The following CTNNA2 variants were observed in gnomAD, a reference collection of about 807,000 sequenced individuals.
The protein encoded by CTNNA2 is catenin alpha 2.
In CTNNA2, 42 loss-of-function variants were observed where a neutral mutation model predicts 101.0. The observed-to-expected ratio is 0.42, with a 90% CI of 0.32 to 0.54. The LOEUF is 0.54. Ranked by LOEUF, CTNNA2 falls within the 20% of genes least tolerant of loss-of-function variation. CTNNA2 has a pLI of 0.14. For missense variants in CTNNA2, 871 were observed against 1,223.1 expected, an observed-to-expected ratio of 0.71 and a Z score of 4.29; for synonymous variants, 450 against 456.4, an observed-to-expected ratio of 0.99 and a Z score of 0.18.
chr2:79,434,524 G>A (rs539426845), intron 4 of CTNNA2, among the ~76,000 whole-genome samples: 76 of 152,246 alleles, frequency 5.0e-4, no homozygotes, highest in African/African-American at 1.7e-3. Flanking sequence ...GCCAATGGAC[G>A]CCAGCTGAGT....
At chr2:80,526,653 C>T (rs1353933681) in intron 9 of CTNNA2, among the ~76,000 whole-genome samples, 1 of 152,090 alleles carries the variant, frequency 6.6e-6, no homozygotes, top group African/African-American at 2.4e-5. Flanking sequence ...TCAATTTTCT[C>T]ATCTATAAAA....
At chr2:79,647,532 C>T (rs1292006088) in intron 1 of CTNNA2, among the ~76,000 whole-genome samples, 1 of 151,898 alleles carries the variant, frequency 6.6e-6, no homozygotes, top group African/African-American at 2.4e-5. Flanking sequence ...GTATACGTTC[C>T]TTATTTGTTT....
chr2:79,275,961 A>G (rs995014624), intron 2 of CTNNA2, among the ~76,000 whole-genome samples: 4 of 152,108 alleles, frequency 2.6e-5, no homozygotes, highest in African/African-American at 7.2e-5. Context: ...AGGGAGCATC[A>G]GAGTGGATGG....
At chr2:80,460,032 A>C (rs1296635499) in intron 9 of CTNNA2, among the ~76,000 whole-genome samples, 6 of 152,200 alleles carry the variant, frequency 3.9e-5, no homozygotes, top group Non-Finnish European at 8.8e-5. Flanking sequence ...CTTCTCAGAT[A>C]CTTAAGAAAA....
intron 9 of CTNNA2, among the ~76,000 whole-genome samples, chr2:80,513,046 T>C (rs1248160903): frequency 6.6e-6 from 1 of 152,204 alleles, no homozygotes; most frequent in African/African-American, 2.4e-5. Context: ...CTCCCTTGCT[T>C]ACACAAGAGA....
intron 7 of CTNNA2, among the ~76,000 whole-genome samples, chr2:80,021,618 G>T (rs779866943): frequency 3.9e-5 from 6 of 152,100 alleles, no homozygotes. Context: ...GACAAAAGTT[G>T]TATGTATTTA....
intron 3 of CTNNA2, chr2:79,339,904 G>C (rs1677089310): frequency 6.6e-6 from 1 of 152,190 alleles, no homozygotes; most frequent in African/African-American, 2.4e-5. Flanking sequence ...TTTCAAATAA[G>C]ATGTTTTCTA....
intron 9 of CTNNA2, among the ~76,000 whole-genome samples, chr2:80,494,886 T>G (rs1487814754): frequency 3.9e-5 from 6 of 152,156 alleles, no homozygotes; most frequent in Non-Finnish European, 8.8e-5. Flanking sequence ...ATTTGCAAAA[T>G]AGTTCCCAAG....
At chr2:79,732,725 C>G (rs1369872898) in intron 2 of CTNNA2, among the ~76,000 whole-genome samples, 1 of 151,910 alleles carries the variant, frequency 6.6e-6, no homozygotes, top group African/African-American at 2.4e-5. Context: ...TCTTTAAAAT[C>G]TCAGAGACTT....
chr2:79,888,013 A>G (rs569706781), intron 6 of CTNNA2, among the ~76,000 whole-genome samples: 1 of 152,294 alleles, frequency 6.6e-6, no homozygotes, highest in South Asian at 2.1e-4. Flanking sequence ...CAATTTATAT[A>G]TGTAATACGG....
chr2:79,948,812 C>CA (rs1177137817), intron 7 of CTNNA2, among the ~76,000 whole-genome samples: 2 of 151,164 alleles, frequency 1.3e-5, no homozygotes, highest in African/African-American at 2.4e-5. Flanking sequence ...ATTAAAAATA[C>CA]AAAAAAATAG....
intron 4 of CTNNA2, among the ~76,000 whole-genome samples, chr2:79,467,735 A>G (rs1670955024): frequency 6.6e-6 from 1 of 152,230 alleles, no homozygotes; most frequent in South Asian, 2.1e-4. Context: ...ACATTCTTAA[A>G]GAAAAGAATT....
chr2:79,210,459 A>T (rs111820058), intron 2 of CTNNA2, among the ~76,000 whole-genome samples: 13 of 152,166 alleles, frequency 8.5e-5, no homozygotes, highest in African/African-American at 3.1e-4. Flanking sequence ...CTCCCACAGC[A>T]CACACACAAA....
chr2:80,332,303 C>T (rs1175134194), intron 7 of CTNNA2, among the ~76,000 whole-genome samples: 1 of 152,150 alleles, frequency 6.6e-6, no homozygotes, highest in African/African-American at 2.4e-5. Flanking sequence ...AATTGGCCCT[C>T]ACCTCCCATG....
At chr2:80,013,171 GA>G (rs999420314) in intron 7 of CTNNA2, among the ~76,000 whole-genome samples, 1 of 151,532 alleles carries the variant, frequency 6.6e-6, no homozygotes, top group African/African-American at 2.4e-5. Flanking sequence ...GCCTAAAAAA[GA>G]AAAAAAAGTC....
intron 4 of CTNNA2, among the ~76,000 whole-genome samples, chr2:79,442,918 C>T (rs186723389): frequency 4.2e-4 from 64 of 152,194 alleles, no homozygotes; most frequent in Admixed American, 3.9e-3. Context: ...CTCACACATG[C>T]TTACACTTCT....
chr2:79,810,867 T>A (rs1398146999), intron 3 of CTNNA2, among the ~76,000 whole-genome samples: 1 of 151,994 alleles, frequency 6.6e-6, no homozygotes, highest in African/African-American at 2.4e-5. Flanking sequence ...TCATCATTTT[T>A]TATGGCTGCA....
At position 80,187,492 on chromosome 2, in the gene CTNNA2, G is replaced by A. The variant is rs1033028331; in HGVS notation, c.1057-205719G>A. Among the ~76,000 whole-genome samples the A allele has an allele frequency of 5.3e-5, 8 of 152,308 alleles. 1 individual carries two copies. In the South Asian group the frequency reaches 6.2e-4, roughly 12 times the overall value. On this transcript the variant is annotated intron_variant, in intron 7 of 18. Transcript: ENST00000402739. ...CGTATGTTGCTCATCTATACTTCCC[G>A]TGGAAACGGCTATTCTAAATAGGGC...
chr2:79,950,142 A>G (rs1574389286), intron 7 of CTNNA2, among the ~76,000 whole-genome samples: 1 of 104,950 alleles, frequency 9.5e-6, no homozygotes, highest in South Asian at 3.3e-4. Flanking sequence ...AGATTTTGTG[A>G]AAAAAAAAAA....
Sources: gnomAD v4.1 joint callset for allele counts (sites outside exome capture counted in the v4.1 genomes callset) on GRCh38, gnomAD v4.1.1 for gene constraint, MANE v1.5 for transcripts, NCBI Gene and HGNC (gene_info 2026-07-23, HGNC 2026-07-21) for gene names.